The following ZNF727 variants were observed in gnomAD, a reference collection of about 807,000 sequenced individuals.
ZNF727 encodes the protein zinc finger protein 727.
ZNF727 carries 11 observed loss-of-function variants against 11.5 expected under a neutral mutation model. That is an observed-to-expected ratio of 0.95 (90% CI 0.60 to 1.58). ZNF727 has a LOEUF of 1.58. Among genes scored for constraint, ZNF727 ranks in the 40% most tolerant of loss-of-function variants. The pLI is 0.00. For missense variants in ZNF727, 533 were observed against 581.7 expected (o/e 0.92, Z 0.86); for synonymous variants, 171 against 196.1 (o/e 0.87, Z 1.07).
intron 3 of ZNF727, among the ~76,000 whole-genome samples, chr7:64,072,097 G>C (rs1789970335): frequency 6.6e-6 from 1 of 152,034 alleles, no homozygotes; most frequent in Non-Finnish European, 1.5e-5. Context: ...TTTTAAGATT[G>C]AATTTTCTAT....
chr7:64,059,924 A>G (rs1272468837), intron 1 of ZNF727, among the ~76,000 whole-genome samples: 1 of 152,184 alleles, frequency 6.6e-6, no homozygotes, highest in Non-Finnish European at 1.5e-5. Flanking sequence ...TAAATTAGAA[A>G]TGTCTTTCTC....
intron 1 of ZNF727, among the ~76,000 whole-genome samples, chr7:64,052,358 C>G (rs12538693): frequency 6.7e-6 from 1 of 149,958 alleles, no homozygotes; most frequent in African/African-American, 2.5e-5. Flanking sequence ...AACAGGAGTT[C>G]CCCTGGACAA....
rs1293570526 is a variant in ZNF727 at position 64,077,274 on chromosome 7, A to G, written c.227-2A>G. ...ATTTTGTGGTTCTTTTTTTTTTTTC[A>G]GCTGGCTCTTTGCATTTTACTGCAG... On this transcript the variant is annotated splice_acceptor_variant, in intron 3 of 3. Coordinates refer to ENST00000456806, the MANE Select transcript of ZNF727 (RefSeq NM_001159522.3). LOFTEE classifies it high-confidence loss of function. 6.7e-7 allele frequency: 1 copy of G among 1,481,766 alleles called. No homozygotes were observed. Among genetic ancestry groups the G allele is most frequent in the Non-Finnish European group, 8.9e-7 (1 of 1,118,538 alleles). The allele number at this position is 1,481,766 out of a possible 1,614,324, so 91.8% of individuals were successfully genotyped here.
At chr7:64,072,113 C>T (rs144927938) in intron 3 of ZNF727, among the ~76,000 whole-genome samples, 4,234 of 152,046 alleles carry the variant, frequency 0.028, 81 homozygotes, top group Admixed American at 0.056. Flanking sequence ...TCTATTACTT[C>T]GAAAAATTGT....
chr7:64,070,878 CTTTCTG>C (rs1407779565), intron 3 of ZNF727, among the ~76,000 whole-genome samples: 1 of 152,038 alleles, frequency 6.6e-6, no homozygotes, highest in Non-Finnish European at 1.5e-5. Context: ...CAGTATTTGT[CTTTCTG>C]TTTCTGTGAT....
In ZNF727 at chr7:64,072,481, G is replaced by C. The variant is rs533908204; in HGVS notation, c.226+2872G>C. ...CTGAGTATGTGGCAGGATTTCCTCA[G>C]GTCACTCTCTGGGCACCTAGATTGG... On this transcript the variant is annotated intron_variant, in intron 3 of 3. Coordinates refer to ENST00000456806, the MANE Select transcript of ZNF727 (RefSeq NM_001159522.3). Among the ~76,000 whole-genome samples the C allele has an allele frequency of 5.9e-5, 9 of 152,242 alleles. No individual in the cohort carries two copies. The South Asian group carries it at 1.9e-3, about 32-fold the overall frequency.
Position 64,079,078 on chromosome 7 carries a change from C to T in ZNF727, c.*529C>T, listed in dbSNP as rs368620540. ...ATATGGAAGAGGGACCTTACAAATG[C>T]GAAGAATGTGGCAAAACCTTTATGT... On this transcript the variant is annotated 3_prime_UTR_variant, in exon 4 of 4. Coordinates refer to ENST00000456806, the MANE Select transcript of ZNF727 (RefSeq NM_001159522.3). 2.0e-5 allele frequency among the ~76,000 whole-genome samples: 3 copies of T among 151,434 alleles called. No individual in the cohort carries two copies. Among genetic ancestry groups the T allele is most frequent in the African/African-American group, 4.9e-5 (2 of 41,194 alleles).
chr7:64,056,206 G>A (rs1789683797), intron 1 of ZNF727, among the ~76,000 whole-genome samples: 2 of 151,910 alleles, frequency 1.3e-5, no homozygotes, highest in African/African-American at 4.8e-5. Flanking sequence ...AATCTCTTGG[G>A]TTGCTAGGTA....
chr7:64,073,309 G>GTT (rs201328516), intron 3 of ZNF727, among the ~76,000 whole-genome samples: 61 of 72,310 alleles, frequency 8.4e-4, no homozygotes, highest in African/African-American at 2.3e-3. Context: ...TTTTTTGTGT[G>GTT]TTTTTTTTTT....
intron 1 of ZNF727, among the ~76,000 whole-genome samples, chr7:64,051,577 T>C (rs1789599029): frequency 6.6e-6 from 1 of 152,172 alleles, no homozygotes; most frequent in African/African-American, 2.4e-5. Context: ...ATGTGGGTAA[T>C]GTTTTTTGCC....
intron 1 of ZNF727, among the ~76,000 whole-genome samples, chr7:64,052,724 G>T (rs1413037536): frequency 6.6e-6 from 1 of 152,198 alleles, no homozygotes; most frequent in Admixed American, 6.5e-5. Context: ...AGCCAGGAGG[G>T]GGGCTATACC....
chr7:64,068,716 A>G (rs1039420806), intron 1 of ZNF727, among the ~76,000 whole-genome samples, 175 bp from the exon 2 acceptor site: 9 of 152,078 alleles, frequency 5.9e-5, no homozygotes, highest in African/African-American at 1.9e-4. Flanking sequence ...ATCTTATGCC[A>G]TTTTTTCTCA....
Position 64,078,777 on chromosome 7 carries a change from A to G in ZNF727, c.*228A>G, listed in dbSNP as rs1785736771. Among the ~76,000 whole-genome samples the G allele has an allele frequency of 6.6e-6, 1 of 151,996 alleles. No homozygotes were observed. The highest frequency in any genetic ancestry group is 6.6e-5 in the Admixed American group (1 of 15,238). On this transcript the variant is annotated 3_prime_UTR_variant, in exon 4 of 4. Transcript: ENST00000456806. ...ATGCGGCAAAACCTGTGTTTCTCAGACCTGACTAATCAAAAGAGAATTCAC... is the reference window on the plus strand; with the variant it reads ...ATGCGGCAAAACCTGTGTTTCTCAGGCCTGACTAATCAAAAGAGAATTCAC...
Position 64,083,382 on chromosome 7 carries a change from T to C in ZNF727, c.*4833T>C, listed in dbSNP as rs1312042346. On this transcript the variant is annotated 3_prime_UTR_variant, in exon 4 of 4. Transcript: ENST00000456806. ...GGCTGGAATTTTAAGCCAGTAGTTC[T>C]TACCCTGTGGGGCACTGTGGAAGTG... Among the ~76,000 whole-genome samples, 1 of 152,198 alleles carries C rather than the reference T, an allele frequency of 6.6e-6. No homozygotes were observed. Among genetic ancestry groups the C allele is most frequent in the Non-Finnish European group, 1.5e-5 (1 of 68,030 alleles).
Position 64,055,422 on chromosome 7 carries a change from A to AT in ZNF727, c.3+9798_3+9799insT, listed in dbSNP as rs1240410149. The stretch of plus-strand genomic sequence containing the variant: ...ACGGAGTGAGACTTCATCTCAAAAA[A>AT]AAAAAGTGTACATAAAGTGACAATA... On this transcript the variant is annotated intron_variant, in intron 1 of 3. Coordinates refer to ENST00000456806, the MANE Select transcript of ZNF727 (RefSeq NM_001159522.3). 2.0e-5 allele frequency among the ~76,000 whole-genome samples: 3 copies of AT among 151,628 alleles called. No homozygotes were observed. The Admixed American group carries it at 2.0e-4, about 10-fold the overall frequency.
rs1323270411 is a variant in ZNF727 at position 64,071,624 on chromosome 7, T to C, written c.226+2015T>C. Among the ~76,000 whole-genome samples the C allele has an allele frequency of 3.9e-5, 6 of 152,118 alleles. 1 individual carries two copies. The highest frequency in any genetic ancestry group is 8.8e-5 in the Non-Finnish European group (6 of 67,994). On this transcript the variant is annotated intron_variant, in intron 3 of 3. Transcript: ENST00000456806. ...TGCAGTTTAATTTGTTTATATTTGC[T>C]TTCATTGCTGTACTTTTCTGTTGTA...
At position 64,077,692 on chromosome 7, in the gene ZNF727, C is replaced by G; in HGVS notation, c.643C>G (p.Leu215Val). The stretch of plus-strand genomic sequence containing the variant: ...CAAAGCCTGTAAAAAGTTCTCAAAC[C>G]TTACTGAACATAATAGAGTTCATAC... Reference protein sequence around the residue: ...CGKACKKFSNLTEHNRVHTGK... With the variant: ...CGKACKKFSNVTEHNRVHTGK... The change falls in exon 4 of 4, where the codon CTT becomes GTT. Residue 215 changes from leucine (L) to valine (V), a missense_variant. Physicochemically the swap from Leu to Val is conservative, Grantham distance 32 (BLOSUM62 1). Transcript: ENST00000456806. 1 of 1,569,362 alleles carries G rather than the reference C, an allele frequency of 6.4e-7. No homozygotes were observed. Among genetic ancestry groups the G allele is most frequent in the Non-Finnish European group, 8.6e-7 (1 of 1,156,958 alleles).
At chr7:64,053,321 G>T (rs1327313003) in intron 1 of ZNF727, among the ~76,000 whole-genome samples, 1 of 151,952 alleles carries the variant, frequency 6.6e-6, no homozygotes, top group Non-Finnish European at 1.5e-5. Context: ...TGTTGTTGTT[G>T]TTGTTGATTT....
chr7:64,054,489 T>G (rs534087471), intron 1 of ZNF727, among the ~76,000 whole-genome samples: 40 of 152,316 alleles, frequency 2.6e-4, no homozygotes, highest in Non-Finnish European at 4.7e-4. Flanking sequence ...ATTCACCCTT[T>G]GCCCTGTGAA....
Sources: allele counts gnomAD v4.1 joint callset (sites outside exome capture counted in the v4.1 genomes callset), GRCh38; gene constraint gnomAD v4.1.1; transcripts MANE v1.5; gene names NCBI Gene and HGNC (gene_info 2026-07-23, HGNC 2026-07-21).